The following DIAPH2 variants were observed in gnomAD, a reference collection of about 807,000 sequenced individuals.
DIAPH2 encodes protein diaphanous homolog 2.
In DIAPH2, 35 loss-of-function variants were observed where a neutral mutation model predicts 92.7. The ratio of observed to expected loss-of-function variants is 0.38; its 90% CI spans 0.29 to 0.50. The LOEUF (loss-of-function observed/expected upper bound fraction) is 0.50, where lower values mean the gene tolerates loss of function less well. Among genes scored for constraint, DIAPH2 ranks in the 20% least tolerant of loss-of-function variants. DIAPH2 has a pLI of 0.94. For synonymous variants in DIAPH2, 301 were observed against 280.4 expected (o/e 1.07, Z -0.73); for missense variants, 701 against 819.5 (o/e 0.86, Z 1.77).
intron 26 of DIAPH2, among the ~76,000 whole-genome samples, chrX:97,589,026 T>TATATATAA (rs1186044758): frequency 2.0e-4 from 17 of 84,911 alleles, no homozygotes; most frequent in African/African-American, 6.8e-4. Flanking sequence ...TATATATATA[T>TATATATAA]AAAAGAATCA....
intron 26 of DIAPH2, among the ~76,000 whole-genome samples, chrX:97,433,222 A>G (rs1474011396): frequency 9.0e-6 from 1 of 111,158 alleles, no homozygotes; most frequent in Non-Finnish European, 1.9e-5. Context: ...TTAATAAAAA[A>G]CAAAAAGGCT....
intron 19 of DIAPH2, among the ~76,000 whole-genome samples, chrX:97,085,806 T>C (rs2066779180): frequency 8.9e-6 from 1 of 112,235 alleles, no homozygotes; most frequent in Admixed American, 9.5e-5. Context: ...TGAGTATTTG[T>C]TCTAATAAAG....
chrX:97,154,208 T>G (rs1346992982), intron 22 of DIAPH2, among the ~76,000 whole-genome samples: 1 of 111,431 alleles, frequency 9.0e-6, no homozygotes, highest in East Asian at 2.8e-4. Context: ...GGAATTATAT[T>G]AAGCATGGTT....
At chrX:96,776,323 G>A (rs1295468508) in intron 4 of DIAPH2, among the ~76,000 whole-genome samples, 1 of 110,397 alleles carries the variant, frequency 9.1e-6, no homozygotes, top group African/African-American at 3.3e-5. Context: ...TGATTCTCTT[G>A]TGTCAGCCTC....
chrX:97,386,517 A>C (rs1429117312), intron 25 of DIAPH2, among the ~76,000 whole-genome samples: 1 of 110,117 alleles, frequency 9.1e-6, no homozygotes, highest in East Asian at 2.9e-4. Context: ...AAAATACAAA[A>C]ATTAGCCAGG....
chrX:97,458,186 ATAATTGGGGGGAT>A (rs2070424880), intron 26 of DIAPH2, among the ~76,000 whole-genome samples: 1 of 111,097 alleles, frequency 9.0e-6, no homozygotes, highest in African/African-American at 3.3e-5. Context: ...AGGGGTTGGG[ATAATTGGGGGGAT>A]TCATCTTGGA....
intron 1 of DIAPH2, among the ~76,000 whole-genome samples, chrX:96,728,952 G>A (rs1319927200): frequency 8.9e-6 from 1 of 112,345 alleles, no homozygotes; most frequent in Non-Finnish European, 1.9e-5. Flanking sequence ...CACAGCCTCA[G>A]GAAGTCCTGA....
At chrX:97,289,014 T>C (rs2068568604) in intron 23 of DIAPH2, among the ~76,000 whole-genome samples, 1 of 111,892 alleles carries the variant, frequency 8.9e-6, no homozygotes, top group African/African-American at 3.2e-5. Flanking sequence ...AATTTGTTTT[T>C]GTCCAGGGTG....
chrX:97,438,175 A>G (rs933293319), intron 26 of DIAPH2, among the ~76,000 whole-genome samples: 16 of 106,740 alleles, frequency 1.5e-4, no homozygotes, highest in African/African-American at 5.4e-4. Flanking sequence ...AAGAGTAGAG[A>G]GAATTTCAGA....
intron 5 of DIAPH2, among the ~76,000 whole-genome samples, chrX:96,897,758 G>A (rs1335115470): frequency 9.8e-6 from 1 of 101,716 alleles, no homozygotes; most frequent in Middle Eastern, 4.8e-3. Context: ...AAGTTTTAGG[G>A]TACATGTGCA....
At chrX:96,956,719 C>T (rs2065812924) in intron 15 of DIAPH2, among the ~76,000 whole-genome samples, 1 of 111,713 alleles carries the variant, frequency 9.0e-6, no homozygotes, top group Admixed American at 9.5e-5. Context: ...TTTCACATCT[C>T]CATCTGAGAC....
chrX:97,174,715 A>G (rs1210668652), intron 22 of DIAPH2, among the ~76,000 whole-genome samples: 2 of 112,015 alleles, frequency 1.8e-5, no homozygotes, highest in East Asian at 5.6e-4. Flanking sequence ...TGTGTGTTTA[A>G]AAGAGCTATT....
chrX:97,493,202 C>T (rs907925495), intron 26 of DIAPH2, among the ~76,000 whole-genome samples: 2 of 112,224 alleles, frequency 1.8e-5, no homozygotes, highest in Non-Finnish European at 3.8e-5. Context: ...AGTTCAGTCA[C>T]TGAACCAGAA....
intron 16 of DIAPH2, among the ~76,000 whole-genome samples, chrX:96,962,478 T>C (rs865815819): frequency 0.029 from 738 of 25,203 alleles, 39 homozygotes; most frequent in South Asian, 0.24. Context: ...CATATATATA[T>C]ACACACACAC....
chrX:97,182,189 AG>A (rs778693209), intron 22 of DIAPH2, among the ~76,000 whole-genome samples: 96 of 111,079 alleles, frequency 8.6e-4, no homozygotes, highest in Non-Finnish European at 1.6e-3. Flanking sequence ...GGAAGAGAAG[AG>A]GTTGGAATTC....
intron 4 of DIAPH2, among the ~76,000 whole-genome samples, chrX:96,805,399 G>A (rs1339028995): frequency 9.0e-6 from 1 of 110,993 alleles, no homozygotes; most frequent in African/African-American, 3.3e-5. Flanking sequence ...AGGCAAGGTA[G>A]TGAGCCAAGA....
chrX:97,337,099 G>A (rs1017295564), intron 23 of DIAPH2, among the ~76,000 whole-genome samples: 1 of 107,758 alleles, frequency 9.3e-6, no homozygotes, highest in Admixed American at 9.9e-5. Flanking sequence ...TTATTTAAAT[G>A]TCCTATGCCT....
At chrX:96,832,040 C>T (rs918433040) in intron 4 of DIAPH2, among the ~76,000 whole-genome samples, 14 of 110,472 alleles carry the variant, frequency 1.3e-4, no homozygotes, top group Non-Finnish European at 3.8e-5. Flanking sequence ...GGAGGAGAAC[C>T]AGAAATGTTG....
chrX:97,097,710 C>G (rs916042097), intron 19 of DIAPH2, among the ~76,000 whole-genome samples: 4 of 111,418 alleles, frequency 3.6e-5, no homozygotes, highest in Admixed American at 9.6e-5. Flanking sequence ...TTTAGTTTCA[C>G]TGTGGTGAAA....
Sources: gnomAD v4.1 joint callset for allele counts (sites outside exome capture counted in the v4.1 genomes callset) on GRCh38, gnomAD v4.1.1 for gene constraint, MANE v1.5 for transcripts, NCBI Gene and HGNC (gene_info 2026-07-23, HGNC 2026-07-21) for gene names.